The following PCLO variants were observed in gnomAD, a reference collection of about 807,000 sequenced individuals.
PCLO encodes the protein piccolo presynaptic cytomatrix protein.
PCLO carries 82 observed loss-of-function variants against 427.5 expected under a neutral mutation model. The observed-to-expected ratio is 0.19, with a 90% CI of 0.16 to 0.23. PCLO has a LOEUF of 0.23. Among genes scored for constraint, PCLO ranks in the 10% least tolerant of loss-of-function variants. PCLO has a pLI of 1.00. For missense variants in PCLO, 6,239 were observed against 6,115.9 expected (o/e 1.02, Z -0.67); for synonymous variants, 2,357 against 2,155.4 (o/e 1.09, Z -2.59).
chr7:82,845,155 T>C, intron 13 of PCLO, 116 bp downstream of exon 13: 1 of 737,604 alleles, frequency 1.4e-6, no homozygotes, highest in Non-Finnish European at 2.2e-6. Context: ...ATAGATCATC[T>C]GGAAATGAGA....
intron 9 of PCLO, among the ~76,000 whole-genome samples, chr7:82,893,225 A>C (rs1385313720): frequency 6.6e-6 from 1 of 151,942 alleles, no homozygotes; most frequent in Non-Finnish European, 1.5e-5. Context: ...CATATACACC[A>C]TGGAATACTA....
intron 10 of PCLO, among the ~76,000 whole-genome samples, chr7:82,847,534 A>T (rs2115821551): frequency 6.6e-6 from 1 of 152,308 alleles, no homozygotes; most frequent in Non-Finnish European, 1.5e-5. Context: ...GCCATAAAAA[A>T]CATTATTGAA....
At chr7:83,031,471 T>G (rs892373705) in intron 3 of PCLO, among the ~76,000 whole-genome samples, 1 of 152,170 alleles carries the variant, frequency 6.6e-6, no homozygotes, top group Non-Finnish European at 1.5e-5. Context: ...GCCCCCTTGT[T>G]AGCTTCTATA....
At chr7:82,878,793 C>T (rs1227410467) in intron 10 of PCLO, among the ~76,000 whole-genome samples, 5 of 152,166 alleles carry the variant, frequency 3.3e-5, no homozygotes, top group Non-Finnish European at 7.4e-5. Flanking sequence ...ATGCTGCAGA[C>T]CATACATTCT....
At chr7:83,050,271 TA>T (rs60841081) in intron 3 of PCLO, among the ~76,000 whole-genome samples, 1,688 of 94,626 alleles carry the variant, frequency 0.018, 26 homozygotes, top group Middle Eastern at 0.047. Context: ...AAGTGCTTTT[TA>T]AAAAAAAAAA....
At chr7:83,102,710 T>C (rs888133543) in intron 3 of PCLO, among the ~76,000 whole-genome samples, 4 of 151,946 alleles carry the variant, frequency 2.6e-5, no homozygotes, top group African/African-American at 4.8e-5. Flanking sequence ...ACACATTGGA[T>C]ACATTTCTTA....
At chr7:82,908,762 T>C in intron 8 of PCLO, 115 bp downstream of exon 8, 2 of 916,706 alleles carry the variant, frequency 2.2e-6, no homozygotes, top group Admixed American at 2.5e-5. Flanking sequence ...GAAAAAATCA[T>C]TTGTGAAATT....
rs143322704 is a variant in PCLO at position 82,830,703 on chromosome 7, T to C, written c.14250-2737A>G. On this transcript the variant is annotated intron_variant, in intron 16 of 24. Transcript: ENST00000333891. ...TGTTTTTTAAGTTCTAAAAAATACA[T>C]AATTTGTTTAACAAGATGGGAATTA... Among the ~76,000 whole-genome samples, 302 of 152,142 alleles carry C rather than the reference T, an allele frequency of 2.0e-3. 5 individuals are homozygous for C. The highest frequency in any genetic ancestry group is 6.9e-3 in the African/African-American group (285 of 41,584).
intron 4 of PCLO, 144 bp downstream of exon 4, chr7:82,965,627 A>G: frequency 1.7e-6 from 1 of 580,512 alleles, no homozygotes; most frequent in Non-Finnish European, 3.0e-6. Flanking sequence ...TTATAGTCAA[A>G]CAAGTGTTAT....
intron 3 of PCLO, among the ~76,000 whole-genome samples, chr7:83,129,432 A>G (rs912742710): frequency 2.0e-5 from 3 of 152,190 alleles, no homozygotes; most frequent in Non-Finnish European, 4.4e-5. Context: ...GAACAATATT[A>G]CAGCACTTTT....
chr7:82,902,646 T>C lies in PCLO; in HGVS notation c.13528+5A>G. 1 of 1,522,386 alleles carries C rather than the reference T, an allele frequency of 6.6e-7. No homozygotes were observed. 94.3% of individuals were successfully genotyped at this position (1,522,386 alleles called of 1,614,324 possible). ...AAAAATATTAGATTATATGATTTGC[T>C]TTACCTGAAACTGTGTGATCCTTTG... On this transcript the variant is annotated splice_donor_5th_base_variant and intron_variant, in intron 9 of 24. Transcript: ENST00000333891.
At chr7:83,011,604 GA>G (rs66516153) in intron 3 of PCLO, among the ~76,000 whole-genome samples, 107,091 of 148,630 alleles carry the variant, frequency 0.72, 38,769 homozygotes, top group East Asian at 0.86. Context: ...ATTTTAAGCT[GA>G]AAAAAAAAAA....
Position 82,965,304 on chromosome 7 carries a change from TTTTC to T in PCLO, c.4017+463_4017+466del, listed in dbSNP as rs1344507481. Among the ~76,000 whole-genome samples, 24 of 149,718 alleles carry T rather than the reference TTTTC, an allele frequency of 1.6e-4. 1 individual carries two copies. Among genetic ancestry groups the T allele is most frequent in the South Asian group, 4.2e-4 (2 of 4,796 alleles). ...CGTCATTTTTTTTTCCTTTTTTCTT[TTTTC>T]TTTCTTTCTTTTTTTTTTTTTTTGC... On this transcript the variant is annotated intron_variant, in intron 4 of 24. Coordinates refer to ENST00000333891, the MANE Select transcript of PCLO (RefSeq NM_033026.6).
At chr7:83,034,386 G>C (rs558331449) in intron 3 of PCLO, among the ~76,000 whole-genome samples, 10 of 152,200 alleles carry the variant, frequency 6.6e-5, no homozygotes, top group African/African-American at 2.4e-4. Flanking sequence ...ATGGGGTTTT[G>C]CCATGTTGGC....
rs771138159 is a variant in PCLO, at chr7:82,952,366, C to A, written c.8587G>T (p.Ala2863Ser). The A allele has an allele frequency of 6.2e-7, 1 of 1,613,880 alleles. No individual in the cohort carries two copies. The highest frequency in any genetic ancestry group is 8.5e-7 in the Non-Finnish European group (1 of 1,179,776). ...GGTTTTGTAATAGCCAATGTCACTGCATGTGCTGGAGTACCTAGAGATAAG... is the reference window on the plus strand; with the variant it reads ...GGTTTTGTAATAGCCAATGTCACTGAATGTGCTGGAGTACCTAGAGATAAG... ...INLSLGTPAH[A>S]VTLAITKPVT... Residue 2863 changes from alanine (A) to serine (S), a missense_variant, in exon 5 of 25, where the codon GCA (alanine) becomes TCA (serine). By Grantham distance (99) the Ala-to-Ser change is moderately conservative. Around this residue, in one of 5 missense-constraint regions of PCLO, gnomAD observed 4,677 missense variants for 4,468.4 expected, o/e 1.05. Transcript: ENST00000333891.
At chr7:83,145,834 C>T (rs1332785304) in intron 2 of PCLO, among the ~76,000 whole-genome samples, 1 of 152,128 alleles carries the variant, frequency 6.6e-6, no homozygotes, top group South Asian at 2.1e-4. Context: ...AGTCACCTGA[C>T]CAAATCACAC....
chr7:82,800,729 G>A (rs1403259194), intron 22 of PCLO, among the ~76,000 whole-genome samples: 1 of 152,038 alleles, frequency 6.6e-6, no homozygotes, highest in Admixed American at 6.6e-5. Flanking sequence ...CTGAGTAGCT[G>A]GGATTACAGG....
intron 3 of PCLO, among the ~76,000 whole-genome samples, chr7:83,095,635 T>A (rs1263852628): frequency 6.6e-6 from 1 of 152,058 alleles, no homozygotes; most frequent in Non-Finnish European, 1.5e-5. Flanking sequence ...ACTTCCATTT[T>A]TATTTAATTC....
intron 22 of PCLO, among the ~76,000 whole-genome samples, chr7:82,762,173 T>G (rs1470751962): frequency 6.6e-6 from 1 of 152,034 alleles, no homozygotes; most frequent in African/African-American, 2.4e-5. Context: ...AATATATAAT[T>G]ATAAAAAGAG....
Sources: allele counts gnomAD v4.1 joint callset (sites outside exome capture counted in the v4.1 genomes callset), GRCh38; gene constraint gnomAD v4.1.1; regional missense constraint gnomAD v4.1.1; transcripts MANE v1.5; gene names NCBI Gene and HGNC (gene_info 2026-07-23, HGNC 2026-07-21).